The following DZIP3 variants were observed in gnomAD, a reference collection of about 807,000 sequenced individuals.
DZIP3 encodes E3 ubiquitin-protein ligase DZIP3.
In DZIP3, 118 loss-of-function variants were observed where a neutral mutation model predicts 162.0. The observed-to-expected ratio is 0.73, with a 90% CI of 0.63 to 0.85. DZIP3 has a LOEUF of 0.85. Ranked by LOEUF, DZIP3 falls within the 40% of genes least tolerant of loss-of-function variation. The pLI is 0.00. For synonymous variants in DZIP3, 438 were observed against 458.6 expected (o/e 0.96, Z 0.57); for missense variants, 1,331 against 1,407.0 (o/e 0.95, Z 0.86).
chr3:108,596,932 G>A (rs1939742116), intron 1 of DZIP3, among the ~76,000 whole-genome samples: 1 of 152,170 alleles, frequency 6.6e-6, no homozygotes, highest in African/African-American at 2.4e-5. Flanking sequence ...AAATCCTGCA[G>A]TAGAAAATTG....
intron 1 of DZIP3, among the ~76,000 whole-genome samples, chr3:108,598,663 A>T (rs926639230): frequency 6.6e-6 from 1 of 152,124 alleles, no homozygotes; most frequent in Non-Finnish European, 1.5e-5. Context: ...AAGTATTCCC[A>T]TTCCCTATTT....
intron 17 of DZIP3, among the ~76,000 whole-genome samples, chr3:108,650,890 T>A (rs1942833808): frequency 6.6e-6 from 1 of 151,442 alleles, no homozygotes. Context: ...AAAAAGGAAA[T>A]AGGAATTAAA....
At chr3:108,609,300 C>T (rs965766802) in intron 3 of DZIP3, among the ~76,000 whole-genome samples, 3 of 152,076 alleles carry the variant, frequency 2.0e-5, no homozygotes, top group African/African-American at 7.2e-5. Context: ...TATTCACCTG[C>T]ATGAGGTTAT....
In DZIP3 at chr3:108,690,777, TG is replaced by T. The variant is rs1463919559; in HGVS notation, c.3517-9del. ...TCTGAGAGACTGACATAAATCTTTT[TG>T]CTCCTTAGTGCATTAGACCATGGTT... On this transcript the variant is annotated splice_polypyrimidine_tract_variant and intron_variant, in intron 31 of 32. Transcript: ENST00000361582. 3 of 1,612,530 alleles carry T rather than the reference TG, an allele frequency of 1.9e-6. No homozygotes were observed. Among genetic ancestry groups the T allele is most frequent in the Non-Finnish European group, 2.5e-6 (3 of 1,178,936 alleles).
At chr3:108,634,744 A>G (rs1235909710) in intron 9 of DZIP3, 127 bp from the exon 10 acceptor site, 4 of 458,700 alleles carry the variant, frequency 8.7e-6, no homozygotes, top group Non-Finnish European at 3.8e-6. Context: ...ATTTCTGTTG[A>G]TAAATTTTGA....
chr3:108,685,956 A>G (rs1019313701), intron 27 of DZIP3, among the ~76,000 whole-genome samples: 2 of 152,168 alleles, frequency 1.3e-5, no homozygotes, highest in African/African-American at 4.8e-5. Flanking sequence ...TTAAAAAATC[A>G]TATTTCATGC....
chr3:108,660,047 A>C (rs944727681), intron 19 of DZIP3, among the ~76,000 whole-genome samples: 9 of 152,238 alleles, frequency 5.9e-5, no homozygotes, highest in African/African-American at 2.2e-4. Flanking sequence ...CAATATTGTG[A>C]AAATGGCCAT....
chr3:108,635,037 T>G, intron 10 of DZIP3, 65 bp downstream of exon 10: 1 of 976,478 alleles, frequency 1.0e-6, no homozygotes, highest in Non-Finnish European at 1.5e-6. Context: ...TTTTGTTCTC[T>G]TCCCCATCGT....
intron 21 of DZIP3, among the ~76,000 whole-genome samples, chr3:108,662,583 GTA>G (rs1943489185): frequency 1.3e-5 from 2 of 152,148 alleles, no homozygotes. Context: ...TTTCTATATA[GTA>G]TATGAGTACA....
chr3:108,623,766 C>T (rs941866601), intron 5 of DZIP3, among the ~76,000 whole-genome samples: 6 of 152,202 alleles, frequency 3.9e-5, no homozygotes, highest in African/African-American at 7.2e-5. Context: ...GACCCCAGAG[C>T]ACTTTGGCCC....
At chr3:108,614,932 G>C (rs1057429442) in intron 4 of DZIP3, among the ~76,000 whole-genome samples, 1 of 151,974 alleles carries the variant, frequency 6.6e-6, no homozygotes, top group African/African-American at 2.4e-5. Flanking sequence ...CATTGTCTCT[G>C]TACCTCCCAA....
rs1180420163 is a variant in DZIP3, at chr3:108,589,826, C to T, written c.-86C>T. The stretch of plus-strand genomic sequence containing the variant: ...CTACCTGAGAAATGGTCGCTTGCCC[C>T]TAGTCTAGACACGGTGAGGAGCTCT... On this transcript the variant is annotated 5_prime_UTR_variant, in exon 1 of 33. Transcript: ENST00000361582. 6.4e-6 allele frequency: 1 copy of T among 155,946 alleles called. No individual in the cohort carries two copies. Among genetic ancestry groups the T allele is most frequent in the Admixed American group, 6.5e-5 (1 of 15,376 alleles). The allele number at this position is 155,946 out of a possible 1,614,324, so 9.7% of individuals were successfully genotyped here.
chr3:108,690,308 T>A (rs1350992454), intron 31 of DZIP3, among the ~76,000 whole-genome samples: 7 of 152,204 alleles, frequency 4.6e-5, no homozygotes, highest in Non-Finnish European at 1.0e-4. Flanking sequence ...AGATAGTTCA[T>A]AGCCGAAAAT....
intron 21 of DZIP3, among the ~76,000 whole-genome samples, chr3:108,664,864 G>A (rs530312686): frequency 6.1e-4 from 93 of 152,322 alleles, no homozygotes; most frequent in Admixed American, 1.0e-3. Context: ...TGGACTGGGA[G>A]GGGAGCTGAA....
intron 8 of DZIP3, among the ~76,000 whole-genome samples, chr3:108,631,055 A>ACACACACACT: frequency 8.9e-4 from 16 of 18,012 alleles, no homozygotes; most frequent in East Asian, 5.1e-3. Flanking sequence ...ACACACACAC[A>ACACACACACT]CTCTCTCTCT....
intron 8 of DZIP3, among the ~76,000 whole-genome samples, chr3:108,630,770 A>AAT (rs959014337): frequency 6.6e-5 from 10 of 151,646 alleles, no homozygotes; most frequent in Admixed American, 3.9e-4. Flanking sequence ...TATGCACAAT[A>AAT]ATATATATAT....
At chr3:108,626,057 G>A in intron 7 of DZIP3, 88 bp downstream of exon 7, 8 of 1,391,664 alleles carry the variant, frequency 5.7e-6, no homozygotes, top group Non-Finnish European at 7.7e-6. Flanking sequence ...ATCAGGCATT[G>A]TGACATTTGT....
chr3:108,655,511 G>C (rs578086867), intron 19 of DZIP3, among the ~76,000 whole-genome samples: 3 of 152,224 alleles, frequency 2.0e-5, no homozygotes, highest in African/African-American at 7.2e-5. Flanking sequence ...AATGGTAAGT[G>C]GGGGGTGGAG....
intron 31 of DZIP3, 123 bp from the exon 32 acceptor site, chr3:108,690,664 C>A: frequency 3.6e-6 from 3 of 827,718 alleles, no homozygotes; most frequent in South Asian, 3.9e-5. Context: ...TTTGACGATC[C>A]ACAGCGTAAG....
Sources: allele counts gnomAD v4.1 joint callset (sites outside exome capture counted in the v4.1 genomes callset), GRCh38; gene constraint gnomAD v4.1.1; transcripts MANE v1.5; gene names NCBI Gene and HGNC (gene_info 2026-07-23, HGNC 2026-07-21).